Variants in MAD1L1 observed in about 807,000 individuals in gnomAD.
MAD1L1 encodes the protein mitotic arrest deficient 1 like 1.
MAD1L1 carries 95 observed loss-of-function variants against 96.9 expected under a neutral mutation model. The ratio of observed to expected loss-of-function variants is 0.98; its 90% confidence interval spans 0.83 to 1.16. The LOEUF (loss-of-function observed/expected upper bound fraction) is 1.16, where lower values mean the gene tolerates loss of function less well. Ranked by LOEUF, MAD1L1 falls within the 50% of genes most tolerant of loss-of-function variation. The pLI is 0.00. For missense variants in MAD1L1, 1,007 were observed against 954.4 expected, an observed-to-expected ratio of 1.06 and a Z score of -0.73; for synonymous variants, 473 against 396.6, an observed-to-expected ratio of 1.19 and a Z score of -2.29.
At chr7:2,104,666 T>C (rs926075606) in intron 11 of MAD1L1, among the ~76,000 whole-genome samples, 3 of 103,182 alleles carry the variant, frequency 2.9e-5, no homozygotes, top group African/African-American at 8.1e-5. Flanking sequence ...TATACTTACA[T>C]GCCTCATTGT....
At chr7:1,975,442 G>C (rs146404005) in intron 15 of MAD1L1, among the ~76,000 whole-genome samples, 25 of 152,312 alleles carry the variant, frequency 1.6e-4, no homozygotes, top group Non-Finnish European at 3.5e-4. Context: ...GGGAAAACCA[G>C]TTCCACTTTC....
intron 14 of MAD1L1, among the ~76,000 whole-genome samples, chr7:1,994,725 C>A (rs1781485295): frequency 6.6e-6 from 1 of 152,210 alleles, no homozygotes; most frequent in Non-Finnish European, 1.5e-5. Context: ...TGTGAGGACA[C>A]AGTGAGAGGG....
chr7:2,014,902 C>A (rs1339281573), intron 12 of MAD1L1, among the ~76,000 whole-genome samples: 3 of 152,240 alleles, frequency 2.0e-5, no homozygotes, highest in Admixed American at 2.0e-4. Context: ...TTCACTACAG[C>A]GGGTGTGGGC....
intron 1 of MAD1L1, 99 bp from the exon 2 acceptor site, chr7:2,230,826 C>G (rs1446086308): frequency 1.3e-5 from 2 of 152,500 alleles, no homozygotes; most frequent in Non-Finnish European, 2.9e-5. Context: ...CCCCCAGGCT[C>G]TTAGATACTG....
chr7:1,885,218 T>C (rs1316388276), intron 18 of MAD1L1, among the ~76,000 whole-genome samples: 1 of 152,018 alleles, frequency 6.6e-6, no homozygotes, highest in Non-Finnish European at 1.5e-5. Context: ...ACACAGACAC[T>C]ACTTTCAAGG....
chr7:2,125,337 G>A (rs369108535), intron 11 of MAD1L1, among the ~76,000 whole-genome samples: 2 of 152,120 alleles, frequency 1.3e-5, no homozygotes, highest in East Asian at 1.9e-4. Flanking sequence ...GGACAAAGAG[G>A]ACACAAGCAG....
At chr7:2,117,297 C>A (rs972650351) in intron 11 of MAD1L1, among the ~76,000 whole-genome samples, 1 of 152,236 alleles carries the variant, frequency 6.6e-6, no homozygotes, top group African/African-American at 2.4e-5. Flanking sequence ...TGCAAACTAA[C>A]AGGCAGTCCA....
At chr7:1,921,174 GGAGGCGGCCCT>G (rs1268066081) in intron 17 of MAD1L1, among the ~76,000 whole-genome samples, 4 of 152,206 alleles carry the variant, frequency 2.6e-5, no homozygotes, top group African/African-American at 9.6e-5. Context: ...TATCGGTGAG[GGAGGCGGCCCT>G]GAGGCGCCCT....
At chr7:1,935,796 G>A (rs1219572328) in intron 17 of MAD1L1, among the ~76,000 whole-genome samples, 2 of 152,350 alleles carry the variant, frequency 1.3e-5, no homozygotes, top group East Asian at 1.9e-4. Flanking sequence ...AGGCCAGAAA[G>A]CAGCAGCCTC....
intron 9 of MAD1L1, among the ~76,000 whole-genome samples, chr7:2,215,181 C>T (rs1287938250): frequency 2.0e-5 from 3 of 152,098 alleles, no homozygotes; most frequent in South Asian, 4.1e-4. Context: ...AGATCAAGAC[C>T]ATCCTAGCCA....
chr7:2,044,886 C>A (rs906484887), intron 12 of MAD1L1, among the ~76,000 whole-genome samples: 1 of 152,018 alleles, frequency 6.6e-6, no homozygotes, highest in Non-Finnish European at 1.5e-5. Context: ...CCAGGGGAGG[C>A]AACAGCATGA....
intron 10 of MAD1L1, among the ~76,000 whole-genome samples, chr7:2,164,611 C>T (rs1245844926): frequency 9.2e-6 from 1 of 108,936 alleles, no homozygotes; most frequent in Non-Finnish European, 1.8e-5. Flanking sequence ...GGGGGGGTTG[C>T]GGGTGGTAGA....
At chr7:2,221,177 G>A (rs377469199) in intron 5 of MAD1L1, among the ~76,000 whole-genome samples, 11 of 151,672 alleles carry the variant, frequency 7.3e-5, no homozygotes, top group African/African-American at 2.4e-4. Flanking sequence ...ACCGCCCTGC[G>A]GCTCCTGCAG....
chr7:2,002,293 C>T (rs549964653), intron 13 of MAD1L1, among the ~76,000 whole-genome samples, 172 bp from the exon 14 acceptor site: 15 of 152,310 alleles, frequency 9.8e-5, no homozygotes, highest in East Asian at 3.9e-4. Flanking sequence ...GTGTGGCTGC[C>T]CCGCGAGGCC....
chr7:2,191,646 G>C (rs564347101), intron 10 of MAD1L1, among the ~76,000 whole-genome samples: 1 of 152,152 alleles, frequency 6.6e-6, no homozygotes, highest in East Asian at 1.9e-4. Flanking sequence ...TGGGAGAATG[G>C]CTTGAGCCCA....
intron 12 of MAD1L1, among the ~76,000 whole-genome samples, chr7:2,043,199 C>T: frequency 6.6e-6 from 1 of 152,240 alleles, no homozygotes; most frequent in South Asian, 2.1e-4. Flanking sequence ...AAGAAAACGA[C>T]CCTGCCACTG....
intron 18 of MAD1L1, among the ~76,000 whole-genome samples, chr7:1,873,471 C>T (rs540875349): frequency 6.6e-6 from 1 of 151,594 alleles, no homozygotes; most frequent in African/African-American, 2.4e-5. Flanking sequence ...GTGGGGAGCC[C>T]TGGTGGAGAG....
chr7:2,118,702 G>T (rs922703674), intron 11 of MAD1L1, among the ~76,000 whole-genome samples: 1 of 152,148 alleles, frequency 6.6e-6, no homozygotes, highest in African/African-American at 2.4e-5. Flanking sequence ...CTGCCTCCAT[G>T]GCAGGTTCAT....
chr7:2,217,198 A>C (rs1182311971), intron 7 of MAD1L1, among the ~76,000 whole-genome samples: 1 of 152,238 alleles, frequency 6.6e-6, no homozygotes, highest in Non-Finnish European at 1.5e-5. Flanking sequence ...TACGGTACCC[A>C]GTCCCCTTGG....
Sources: allele counts gnomAD v4.1 joint callset (sites outside exome capture counted in the v4.1 genomes callset), GRCh38; gene constraint gnomAD v4.1.1; transcripts MANE v1.5; gene names NCBI Gene and HGNC (gene_info 2026-07-23, HGNC 2026-07-21).